LMCD1: variants seen among roughly 807,000 people sequenced by gnomAD.
LMCD1 encodes the protein LIM and cysteine-rich domains protein 1.
Under a neutral mutation model 42.7 loss-of-function variants are expected in LMCD1, and 32 were observed. The observed-to-expected ratio is 0.75, with a 90% confidence interval of 0.57 to 1.01. LMCD1 has a LOEUF of 1.01. LMCD1 is among the 50% of genes least tolerant of loss of function. The probability of loss-of-function intolerance (pLI) is 0.00; values close to 1 mark genes in which losing one functional copy is unlikely to be tolerated. For synonymous variants in LMCD1, 178 were observed against 184.9 expected (o/e 0.96, Z 0.30); for missense variants, 458 against 483.1 (o/e 0.95, Z 0.49).
chr3:8,536,829 T>C (rs866728365), intron 2 of LMCD1, among the ~76,000 whole-genome samples: 4 of 152,310 alleles, frequency 2.6e-5, no homozygotes, highest in African/African-American at 7.2e-5. Context: ...CAAGAGCAGA[T>C]TGTGGGCCAA....
intron 1 of LMCD1, among the ~76,000 whole-genome samples, chr3:8,524,274 C>A (rs1353639905): frequency 1.3e-5 from 2 of 152,058 alleles, no homozygotes; most frequent in African/African-American, 4.8e-5. Context: ...CAGGTTGGGC[C>A]CCCTCATCTG....
chr3:8,517,538 A>G (rs540104641), intron 1 of LMCD1, among the ~76,000 whole-genome samples: 1 of 152,356 alleles, frequency 6.6e-6, no homozygotes, highest in South Asian at 2.1e-4. Flanking sequence ...TGGTCTAAAG[A>G]TGAATTTAGT....
At chr3:8,551,347 T>C (rs1694835086) in intron 4 of LMCD1, 1 of 985,392 alleles carries the variant, frequency 1.0e-6, no homozygotes, top group Middle Eastern at 5.2e-4. Context: ...GACGGTGCGA[T>C]TCCAGTTCCA....
intron 1 of LMCD1, 117 bp downstream of exon 1, chr3:8,502,097 C>A: frequency 2.3e-6 from 2 of 854,670 alleles, no homozygotes; most frequent in Non-Finnish European, 3.6e-6. Flanking sequence ...AATTCCAAAA[C>A]TGCATGGAAA....
chr3:8,515,065 A>G (rs1003804244), intron 1 of LMCD1: 5 of 456,302 alleles, frequency 1.1e-5, no homozygotes, highest in Admixed American at 4.7e-5. Flanking sequence ...GGAAAGTGAT[A>G]TGTATCCAGG....
At chr3:8,553,463 CAGT>C (rs764860155) in intron 4 of LMCD1, among the ~76,000 whole-genome samples, 2 of 152,350 alleles carry the variant, frequency 1.3e-5, no homozygotes, top group Non-Finnish European at 2.9e-5. Context: ...GCCCAGATAA[CAGT>C]GGTGGCCAGG....
At chr3:8,529,217 G>A (rs960815577) in intron 1 of LMCD1, among the ~76,000 whole-genome samples, 6 of 152,146 alleles carry the variant, frequency 3.9e-5, no homozygotes, top group Admixed American at 3.3e-4. Flanking sequence ...TGAAGATAGC[G>A]GGGTCTGTCT....
intron 4 of LMCD1, chr3:8,550,693 T>C (rs948608575): frequency 1.8e-5 from 18 of 984,206 alleles, no homozygotes; most frequent in Non-Finnish European, 2.2e-5. Context: ...AAGAAAAAAA[T>C]ATTAGATCTA....
rs774263572 is a variant in LMCD1, at chr3:8,532,781, G to A, written c.87G>A (p.Leu29=). The A allele has an allele frequency of 3.1e-6, 5 of 1,613,832 alleles. No homozygotes were observed. The highest frequency in any genetic ancestry group is 1.7e-5 in the Admixed American group (1 of 59,976). The change falls in exon 2 of 6, where the codon TTG becomes TTA. Residue 29 remains leucine (L), a synonymous_variant. Transcript: ENST00000157600. The part of the protein sequence containing the change: ...QLQSARGVAC[L]GCKGTCSGFE... ...AGTCAGCAAGAGGTGTGGCATGTTT[G>A]GGATGCAAGGGGACGTGTTCGGGCT...
chr3:8,507,022 C>T (rs1693896734), intron 1 of LMCD1, among the ~76,000 whole-genome samples: 2 of 152,182 alleles, frequency 1.3e-5, no homozygotes, highest in African/African-American at 4.8e-5. Flanking sequence ...GAAGAGCCTT[C>T]GTTTAGAAAT....
chr3:8,567,681 ATG>A lies in LMCD1; in HGVS notation c.*86_*87del. 1 of 1,339,232 alleles carries A rather than the reference ATG, an allele frequency of 7.5e-7. No individual in the cohort carries two copies. The highest frequency in any genetic ancestry group is 1.0e-6 in the Non-Finnish European group (1 of 972,832). The allele number at this position is 1,339,232 out of a possible 1,614,324, so 83.0% of individuals were successfully genotyped here. On this transcript the variant is annotated 3_prime_UTR_variant, in exon 6 of 6. Coordinates refer to ENST00000157600, the MANE Select transcript of LMCD1 (RefSeq NM_014583.4). Reference sequence around the variant, plus strand: ...GTGCCGAGACCATCCTAAGGGTCCGATGTGACAGCAAGCAAGTGAAATAAACA... The same window carrying A: ...GTGCCGAGACCATCCTAAGGGTCCGATGACAGCAAGCAAGTGAAATAAACA...
At chr3:8,537,162 G>T (rs775223967) in intron 2 of LMCD1, 23 bp from the exon 3 acceptor site, 1 of 1,610,356 alleles carries the variant, frequency 6.2e-7, no homozygotes, top group Non-Finnish European at 8.5e-7. Context: ...TAATCTCACT[G>T]GTCCCCATCC....
chr3:8,531,073 G>A (rs963501210), intron 1 of LMCD1, among the ~76,000 whole-genome samples: 1 of 152,212 alleles, frequency 6.6e-6, no homozygotes, highest in African/African-American at 2.4e-5. Context: ...ATTTGGTGCT[G>A]AAGAGAAGTA....
rs778308075 is a variant in LMCD1 at position 8,501,925 on chromosome 3, C to G, written c.-14C>G. 1.6e-5 allele frequency: 26 copies of G among 1,585,754 alleles called. 1 individual carries two copies. In the South Asian group the frequency reaches 1.8e-4, roughly 11 times the overall value. ...CCTGAGAAGCCAGGCGCTGTTCCCCCACCCCAGAAGAGGATGGCAAAGGTG... is the reference window on the plus strand; with the variant it reads ...CCTGAGAAGCCAGGCGCTGTTCCCCGACCCCAGAAGAGGATGGCAAAGGTG... On this transcript the variant is annotated 5_prime_UTR_variant, in exon 1 of 6. Transcript: ENST00000157600.
chr3:8,541,263 CAG>C (rs1694620599), intron 3 of LMCD1, among the ~76,000 whole-genome samples: 1 of 152,144 alleles, frequency 6.6e-6, no homozygotes, highest in Non-Finnish European at 1.5e-5. Context: ...GAAAGGTCCT[CAG>C]GGGGCCAGGT....
chr3:8,548,929 A>T (rs1694789789), intron 4 of LMCD1, 26 bp downstream of exon 4: 2 of 1,469,880 alleles, frequency 1.4e-6, no homozygotes, highest in Non-Finnish European at 1.8e-6. Context: ...GCTTCCAGCC[A>T]GGCTGAAACC....
At chr3:8,549,534 G>A (rs902987446) in intron 4 of LMCD1, among the ~76,000 whole-genome samples, 3 of 152,148 alleles carry the variant, frequency 2.0e-5, no homozygotes, top group East Asian at 1.9e-4. Context: ...TCCCCAAACT[G>A]CAGAATGCCA....
intron 4 of LMCD1, among the ~76,000 whole-genome samples, chr3:8,559,384 A>G (rs1053046676): frequency 7.7e-6 from 1 of 130,416 alleles, no homozygotes; most frequent in Admixed American, 7.3e-5. Flanking sequence ...TTGAGCCCTT[A>G]TAAAGTCCAA....
intron 4 of LMCD1, chr3:8,549,809 G>A: frequency 2.8e-6 from 2 of 703,066 alleles, no homozygotes; most frequent in East Asian, 2.7e-5. Context: ...GTCCTGAGGT[G>A]GCTCAGGGCA....
Sources: gnomAD v4.1 joint callset for allele counts (sites outside exome capture counted in the v4.1 genomes callset) on GRCh38, gnomAD v4.1.1 for gene constraint, MANE v1.5 for transcripts, NCBI Gene and HGNC (gene_info 2026-07-23, HGNC 2026-07-21) for gene names.